TRIM16: variants seen among roughly 807,000 people sequenced by gnomAD.
The protein encoded by TRIM16 is tripartite motif containing 16.
A neutral mutation model predicts 50.4 loss-of-function variants in TRIM16; 33 were observed. The observed-to-expected ratio is 0.65, with a 90% CI of 0.50 to 0.88. The LOEUF (loss-of-function observed/expected upper bound fraction) is 0.88. TRIM16 is among the 40% of genes least tolerant of loss of function. The pLI is 0.00. For synonymous variants in TRIM16, 229 were observed against 270.7 expected, an observed-to-expected ratio of 0.85 and a Z score of 1.51; for missense variants, 581 against 686.8, an observed-to-expected ratio of 0.85 and a Z score of 1.72.
intron 6 of TRIM16, among the ~76,000 whole-genome samples, chr17:15,669,906 C>T (rs903070734): frequency 2.6e-5 from 4 of 152,184 alleles, no homozygotes; most frequent in Admixed American, 2.6e-4. Context: ...ACACCCCCTC[C>T]CCCAATTGTG....
intron 7 of TRIM16, among the ~76,000 whole-genome samples, chr17:15,649,966 A>C (rs754950239): frequency 1.3e-5 from 2 of 151,962 alleles, no homozygotes; most frequent in Admixed American, 6.6e-5. Flanking sequence ...CTGATGGGAC[A>C]CTCCCTACCC....
At chr17:15,682,463 C>T (rs1187095843) in intron 3 of TRIM16, among the ~76,000 whole-genome samples, 1 of 152,198 alleles carries the variant, frequency 6.6e-6, no homozygotes, top group African/African-American at 2.4e-5. Context: ...TATGGAAGTC[C>T]CTTCTAATTT....
chr17:15,666,778 C>G (rs563304285), intron 6 of TRIM16, among the ~76,000 whole-genome samples: 1 of 152,226 alleles, frequency 6.6e-6, no homozygotes, highest in Non-Finnish European at 1.5e-5. Flanking sequence ...GCATTCCATG[C>G]TATGTCTGTA....
At chr17:15,634,642 A>C (rs1986632846) in intron 9 of TRIM16, among the ~76,000 whole-genome samples, 1 of 139,214 alleles carries the variant, frequency 7.2e-6, no homozygotes, top group African/African-American at 2.9e-5. Flanking sequence ...AAAAAAAAAA[A>C]AAAACAAATA....
In TRIM16 at chr17:15,651,593, A is replaced by G; in HGVS notation, c.17T>C (p.Leu6Pro). The G allele has an allele frequency of 1.2e-6, 2 of 1,613,898 alleles. No homozygotes were observed. Among genetic ancestry groups the G allele is most frequent in the African/African-American group, 1.3e-5 (1 of 75,058 alleles). Residue 6 changes from leucine to proline, a missense_variant, in exon 7 of 12, where the codon CTA becomes CCA. Leu to Pro is a moderately conservative substitution (Grantham distance 98, BLOSUM62 -3). Coordinates refer to ENST00000649191, the MANE Select transcript of TRIM16 (RefSeq NM_001348119.1). ...CCTGGGCAGTGGCCCTGGAGCCATT[A>G]GATCCAACTCAGCCATCTGGGAGGC... MAELD[L>P]MAPGPLPRAT...
At chr17:15,647,220 C>A (rs1269219496) in intron 7 of TRIM16, among the ~76,000 whole-genome samples, 3 of 151,160 alleles carry the variant, frequency 2.0e-5, no homozygotes, top group Non-Finnish European at 4.4e-5. Flanking sequence ...GATCCACCCG[C>A]CTCGGCCTGC....
intron 6 of TRIM16, among the ~76,000 whole-genome samples, chr17:15,661,288 T>C (rs1988227178): frequency 6.6e-6 from 1 of 152,246 alleles, no homozygotes; most frequent in Admixed American, 6.5e-5. Flanking sequence ...ACTTGTATGC[T>C]AATCTTATGG....
In TRIM16 at chr17:15,667,707, T is replaced by TA. The variant is rs1208160442; in HGVS notation, c.-338+9468dup. ...TACCATGGTAGATCAAACTCTTTTT[T>TA]AAAGAGTTCCTATATACCCCACACC... On this transcript the variant is annotated intron_variant, in intron 6 of 11. Coordinates refer to ENST00000649191, the MANE Select transcript of TRIM16 (RefSeq NM_001348119.1). 3.3e-5 allele frequency among the ~76,000 whole-genome samples: 5 copies of TA among 152,308 alleles called. No homozygotes were observed. The East Asian group carries it at 9.6e-4, about 29-fold the overall frequency.
chr17:15,664,875 T>C (rs977277843), intron 6 of TRIM16, among the ~76,000 whole-genome samples: 13 of 151,712 alleles, frequency 8.6e-5, no homozygotes, highest in African/African-American at 2.9e-4. Context: ...CTACTAAAAA[T>C]ACAAAAATTA....
intron 7 of TRIM16, chr17:15,643,206 G>A (rs1987197210): frequency 4.4e-6 from 1 of 226,208 alleles, no homozygotes; most frequent in African/African-American, 3.7e-5. Context: ...AACCAGTTCA[G>A]GCCATGATGG....
intron 7 of TRIM16, among the ~76,000 whole-genome samples, chr17:15,644,880 A>G (rs1157831643): frequency 4.0e-5 from 6 of 151,762 alleles, no homozygotes; most frequent in Admixed American, 3.3e-4. Flanking sequence ...CAATGGTGCA[A>G]TCTTGGCTCA....
At chr17:15,662,926 G>A (rs188763609) in intron 6 of TRIM16, among the ~76,000 whole-genome samples, 26 of 152,280 alleles carry the variant, frequency 1.7e-4, no homozygotes, top group Admixed American at 1.6e-3. Context: ...GCTACTACTA[G>A]GTATCTTACA....
chr17:15,646,555 A>G, intron 7 of TRIM16, among the ~76,000 whole-genome samples: 1 of 139,160 alleles, frequency 7.2e-6, no homozygotes, highest in African/African-American at 3.0e-5. Flanking sequence ...CAAGTCATTC[A>G]AGCCATTTAG....
chr17:15,683,042 T>C lies in TRIM16; in HGVS notation c.-783A>G. 1.3e-6 allele frequency: 2 copies of C among 1,550,620 alleles called. No individual in the cohort carries two copies. The highest frequency in any genetic ancestry group is 1.7e-6 in the Non-Finnish European group (2 of 1,146,998). On this transcript the variant is annotated 5_prime_UTR_variant, in exon 2 of 12. Coordinates refer to ENST00000649191, the MANE Select transcript of TRIM16 (RefSeq NM_001348119.1). ...CTTTATTTCTATTTCTTACCTCTGT[T>C]CTGGAGTTTGCAGGTCCAATCCTCC...
chr17:15,632,301 C>T (rs112753007), intron 10 of TRIM16, among the ~76,000 whole-genome samples: 3 of 152,078 alleles, frequency 2.0e-5, no homozygotes, highest in African/African-American at 4.8e-5. Flanking sequence ...CTCTTGAACC[C>T]GGGAGGCAGA....
chr17:15,662,707 G>A (rs1988295132), intron 6 of TRIM16, among the ~76,000 whole-genome samples: 1 of 152,202 alleles, frequency 6.6e-6, no homozygotes, highest in Non-Finnish European at 1.5e-5. Context: ...TGCAGGGACT[G>A]TGCTAAGCAG....
At chr17:15,655,866 G>T (rs184946401) in intron 6 of TRIM16, among the ~76,000 whole-genome samples, 3 of 152,202 alleles carry the variant, frequency 2.0e-5, no homozygotes, top group African/African-American at 7.2e-5. Context: ...GAGCCACCGC[G>T]CCCAACGCGT....
chr17:15,675,421 C>G (rs1446661985), intron 6 of TRIM16: 1 of 166,850 alleles, frequency 6.0e-6, no homozygotes, highest in Admixed American at 6.5e-5. Flanking sequence ...GAGGGCTGAA[C>G]TACACGAAAG....
Position 15,683,227 on chromosome 17 carries a change from T to C in TRIM16, c.-898-70A>G, listed in dbSNP as rs973397345. On this transcript the variant is annotated intron_variant, in intron 1 of 11. Coordinates refer to ENST00000649191, the MANE Select transcript of TRIM16 (RefSeq NM_001348119.1). ...TATTTCTTTTTTCATTCTCTGAGAC[T>C]CTACTCAGAACGCAGAGTCTGACGC... is the stretch of plus-strand genomic sequence containing the variant. 238 of 1,192,254 alleles carry C rather than the reference T, an allele frequency of 2.0e-4. 2 individuals are homozygous for C. The highest frequency in any genetic ancestry group is 3.7e-4 in the Admixed American group (16 of 43,574). The allele number at this position is 1,192,254 out of a possible 1,614,324, so 73.9% of individuals were successfully genotyped here. A position where few individuals can be genotyped will look rare whatever the true frequency, so the allele number is the denominator to read the frequency against.
Sources: allele counts gnomAD v4.1 joint callset (sites outside exome capture counted in the v4.1 genomes callset), GRCh38; gene constraint gnomAD v4.1.1; transcripts MANE v1.5; gene names NCBI Gene and HGNC (gene_info 2026-07-23, HGNC 2026-07-21).